The following ERAP1 variants were observed in gnomAD, a reference collection of about 807,000 sequenced individuals.
ERAP1 encodes adipocyte-derived leucine aminopeptidase.
Under a neutral mutation model 103.7 loss-of-function variants are expected in ERAP1, and 86 were observed. That is an observed-to-expected ratio of 0.83 (90% CI 0.70 to 0.99). ERAP1 has a LOEUF of 0.99. ERAP1 is among the 50% of genes least tolerant of loss of function. The pLI is 0.00. For missense variants in ERAP1, 1,009 were observed against 1,128.4 expected, an observed-to-expected ratio of 0.89 and a Z score of 1.52; for synonymous variants, 398 against 402.4, an observed-to-expected ratio of 0.99 and a Z score of 0.13.
the ERAP1 span, chr5:96,909,687 T>C: frequency 1.9e-6 from 3 of 1,614,212 alleles, no homozygotes; most frequent in East Asian, 6.7e-5. Context: ...AGCTGGCCTG[T>C]GACCTGAACC....
chr5:96,860,077 T>C, the ERAP1 span, among the ~76,000 whole-genome samples: 1 of 152,190 alleles, frequency 6.6e-6, no homozygotes. Flanking sequence ...ATTTATTTAA[T>C]TTTTGAGAGA....
intron 19 of ERAP1, chr5:96,765,327 TAAAAAAAAAA>T (rs59338324): frequency 3.3e-5 from 17 of 511,352 alleles, no homozygotes; most frequent in East Asian, 1.9e-4. Flanking sequence ...AAAGTAAAGG[TAAAAAAAAAA>T]AAAAAAAAAA....
rs761759388 is a variant in ERAP1, at chr5:96,793,355, AAAC to A, written c.1188+42_1188+44del. The stretch of plus-strand genomic sequence containing the variant: ...GAATATTTTCCAGCAATATTGAACA[AAAC>A]AACAAATTAACCTCAAATGTGAAGG... On this transcript the variant is annotated intron_variant, in intron 7 of 18. Transcript: ENST00000443439. The A allele has an allele frequency of 8.0e-6, 11 of 1,376,938 alleles. No individual in the cohort carries two copies. The African/African-American group carries it at 1.6e-4, about 20-fold the overall frequency. The allele number at this position is 1,376,938 out of a possible 1,614,324, so 85.3% of individuals were successfully genotyped here. A position where few individuals can be genotyped will look rare whatever the true frequency, so the allele number is the denominator to read the frequency against.
At chr5:96,771,844 T>A, downstream of ERAP1, 1 of 501,276 alleles carries the variant, frequency 2.0e-6, no homozygotes, top group Non-Finnish European at 3.6e-6. Flanking sequence ...CTGCAAGATC[T>A]ACAGAGTAAT....
chr5:96,846,359 A>C, the ERAP1 span, among the ~76,000 whole-genome samples: 1 of 152,184 alleles, frequency 6.6e-6, no homozygotes, highest in Admixed American at 6.5e-5. Flanking sequence ...TTTTCTGCAC[A>C]TTAGAATCAA....
At chr5:96,808,725 A>G (rs774287102), upstream of ERAP1, among the ~76,000 whole-genome samples, 21 of 152,202 alleles carry the variant, frequency 1.4e-4, no homozygotes, top group Non-Finnish European at 2.4e-4. Context: ...ATTAAAGCTG[A>G]ATAAAATGGC....
Position 96,775,532 on chromosome 5 carries a change from ACACT to A in ERAP1, c.*860_*863del, listed in dbSNP as rs1611099. On this transcript the variant is annotated 3_prime_UTR_variant, in exon 19 of 19. Coordinates refer to ENST00000443439, the MANE Select transcript of ERAP1 (RefSeq NM_001040458.3). ...ACTGTACCAGTCAGGGAAATAGATGACACTCACTCAGAATTATCTGAGGAGGGTT... is the reference window on the plus strand; with the variant it reads ...ACTGTACCAGTCAGGGAAATAGATGACACTCAGAATTATCTGAGGAGGGTT... 750,006 of 976,888 alleles carry A rather than the reference ACACT, an allele frequency of 0.77. 288,862 individuals are homozygous for A. The highest frequency in any genetic ancestry group is 0.81 in the Admixed American group (13,157 of 16,230). 60.5% of individuals were successfully genotyped at this position (976,888 alleles called of 1,614,324 possible). A position where few individuals can be genotyped will look rare whatever the true frequency, so the allele number is the denominator to read the frequency against.
At chr5:96,780,393 A>C in intron 18 of ERAP1, 30 bp downstream of exon 18, 1 of 1,470,774 alleles carries the variant, frequency 6.8e-7, no homozygotes, top group Non-Finnish European at 9.2e-7. Context: ...TTTATGTTTA[A>C]AAATATATAT....
chr5:96,814,963 A>C, the ERAP1 span, among the ~76,000 whole-genome samples: 1 of 152,156 alleles, frequency 6.6e-6, no homozygotes, highest in East Asian at 1.9e-4. Flanking sequence ...GCCTAACACC[A>C]AATATTCTAG....
intron 12 of ERAP1, 66 bp downstream of exon 12, chr5:96,786,403 AG>A: frequency 9.3e-7 from 1 of 1,070,684 alleles, no homozygotes; most frequent in Admixed American, 1.8e-5. Context: ...CAAAAGAAAC[AG>A]CACTTTAATC....
chr5:96,885,298 A>G, the ERAP1 span, among the ~76,000 whole-genome samples: 1 of 152,156 alleles, frequency 6.6e-6, no homozygotes, highest in Admixed American at 6.6e-5. Context: ...CCCCTACCAT[A>G]AGACAGCACC....
At chr5:96,835,662 G>T in the ERAP1 span, among the ~76,000 whole-genome samples, 2 of 152,114 alleles carry the variant, frequency 1.3e-5, no homozygotes, top group Non-Finnish European at 2.9e-5. Flanking sequence ...GTATAACCAT[G>T]TTTTACTGTA....
the ERAP1 span, chr5:96,895,148 A>C: frequency 1.5e-6 from 1 of 650,600 alleles, no homozygotes; most frequent in Non-Finnish European, 2.5e-6. Flanking sequence ...GAGAGATCCT[A>C]ACTAATAAAA....
At chr5:96,868,102 CA>C in the ERAP1 span, among the ~76,000 whole-genome samples, 6 of 151,814 alleles carry the variant, frequency 4.0e-5, no homozygotes, top group Admixed American at 3.3e-4. Context: ...AACAAACAAA[CA>C]AAAAAACTCT....
At chr5:96,900,580 A>C in the ERAP1 span, among the ~76,000 whole-genome samples, 1 of 152,204 alleles carries the variant, frequency 6.6e-6, no homozygotes, top group East Asian at 1.9e-4. Context: ...TAGAATCACT[A>C]CAGGAAAGAG....
chr5:96,807,579 C>T (rs999332433), intron 1 of ERAP1, among the ~76,000 whole-genome samples: 4 of 152,106 alleles, frequency 2.6e-5, no homozygotes, highest in African/African-American at 7.2e-5. Flanking sequence ...GGACAGGGAC[C>T]GGCAGGGGTG....
At chr5:96,816,581 T>C in the ERAP1 span, among the ~76,000 whole-genome samples, 3 of 152,306 alleles carry the variant, frequency 2.0e-5, no homozygotes, top group Non-Finnish European at 4.4e-5. Flanking sequence ...GCCATTAACA[T>C]AACATTAGCG....
the ERAP1 span, among the ~76,000 whole-genome samples, chr5:96,887,094 TATATATACAC>T: frequency 1.5e-3 from 168 of 115,564 alleles, 1 homozygote; most frequent in African/African-American, 5.5e-3. Context: ...TATATATATA[TATATATACAC>T]ACACACACAC....
the ERAP1 span, among the ~76,000 whole-genome samples, chr5:96,916,261 A>C: frequency 5.6e-4 from 84 of 151,244 alleles, no homozygotes; most frequent in South Asian, 0.017. Flanking sequence ...AAACAACAGC[A>C]AAAAAAAGCC....
Sources: gnomAD v4.1 joint callset for allele counts (sites outside exome capture counted in the v4.1 genomes callset) on GRCh38, gnomAD v4.1.1 for gene constraint, MANE v1.5 for transcripts, NCBI Gene and HGNC (gene_info 2026-07-23, HGNC 2026-07-21) for gene names.